PAK3: variants seen among roughly 807,000 people sequenced by gnomAD.
PAK3 encodes p21 (RAC1) activated kinase 3.
A neutral mutation model predicts 41.0 loss-of-function variants in PAK3; 4 were observed. The observed-to-expected ratio is 0.10, with a 90% CI of 0.05 to 0.22. PAK3 has a LOEUF of 0.22. Ranked by LOEUF, PAK3 falls within the 10% of genes least tolerant of loss-of-function variation. The pLI is 1.00. For missense variants in PAK3, 205 were observed against 409.9 expected (o/e 0.50, Z 4.32); for synonymous variants, 146 against 139.6 (o/e 1.05, Z -0.32).
At chrX:111,059,791 C>A in intron 1 of PAK3, among the ~76,000 whole-genome samples, 1 of 111,727 alleles carries the variant, frequency 9.0e-6, no homozygotes, top group Non-Finnish European at 1.9e-5. Flanking sequence ...ATCTTATATC[C>A]TGCAACCTTG....
intron 1 of PAK3, among the ~76,000 whole-genome samples, chrX:111,032,004 G>A (rs1437064072): frequency 8.9e-6 from 1 of 111,934 alleles, no homozygotes; most frequent in African/African-American, 3.2e-5. Context: ...ACTGTAACTT[G>A]TTAATGAAGC....
intron 1 of PAK3, among the ~76,000 whole-genome samples, chrX:110,966,177 C>T (rs1032545230): frequency 8.9e-6 from 1 of 111,781 alleles, no homozygotes; most frequent in Non-Finnish European, 1.9e-5. Context: ...CTGGAGTCTT[C>T]ATAATGGAAA....
intron 1 of PAK3, among the ~76,000 whole-genome samples, chrX:111,057,261 T>C (rs755834209): frequency 2.7e-5 from 3 of 111,833 alleles, no homozygotes; most frequent in Non-Finnish European, 5.6e-5. Flanking sequence ...CATGATGAGG[T>C]ACCACCTTAC....
intron 3 of PAK3, among the ~76,000 whole-genome samples, chrX:111,098,969 G>A (rs973123667): frequency 1.8e-5 from 2 of 110,551 alleles, no homozygotes; most frequent in Non-Finnish European, 3.8e-5. Flanking sequence ...GGCCTGGAAT[G>A]GACTCGTCTG....
At chrX:111,055,705 C>T (rs766315863) in intron 1 of PAK3, among the ~76,000 whole-genome samples, 1 of 111,789 alleles carries the variant, frequency 8.9e-6, no homozygotes, top group African/African-American at 3.3e-5. Context: ...CAACCATCAA[C>T]GCTGACCAGG....
At chrX:111,042,530 C>T (rs1338970989) in intron 1 of PAK3, among the ~76,000 whole-genome samples, 1 of 111,590 alleles carries the variant, frequency 9.0e-6, no homozygotes, top group Admixed American at 9.5e-5. Context: ...TGTTGCACAC[C>T]CACAAGGCCA....
chrX:111,208,629 A>AT (rs2094782447), intron 16 of PAK3, among the ~76,000 whole-genome samples: 1 of 112,561 alleles, frequency 8.9e-6, no homozygotes, highest in African/African-American at 3.2e-5. Context: ...AGGCTGTACC[A>AT]TATAGCCTAG....
chrX:111,098,571 C>G (rs974313050), intron 3 of PAK3: 1 of 110,872 alleles, frequency 9.0e-6, no homozygotes, highest in African/African-American at 3.3e-5. Flanking sequence ...CCTTCAGGAA[C>G]CAGTAGCTTT....
At chrX:111,136,198 G>A (rs2093787458) in intron 5 of PAK3, among the ~76,000 whole-genome samples, 1 of 111,973 alleles carries the variant, frequency 8.9e-6, no homozygotes, top group Non-Finnish European at 1.9e-5. Context: ...AGTTAGAGTG[G>A]AGTTCTGAAT....
chrX:111,020,296 A>T (rs1249988702), intron 1 of PAK3, among the ~76,000 whole-genome samples: 2 of 112,254 alleles, frequency 1.8e-5, no homozygotes, highest in African/African-American at 6.5e-5. Context: ...TAAGCCAGAC[A>T]CCAAAGGACA....
intron 1 of PAK3, among the ~76,000 whole-genome samples, chrX:110,968,716 C>T (rs2091132609): frequency 9.0e-6 from 1 of 111,335 alleles, no homozygotes; most frequent in Admixed American, 9.5e-5. Flanking sequence ...AAAATATATT[C>T]CAGATAGCAG....
At chrX:111,155,761 G>C (rs980471086) in intron 8 of PAK3, among the ~76,000 whole-genome samples, 1 of 111,672 alleles carries the variant, frequency 9.0e-6, no homozygotes, top group Non-Finnish European at 1.9e-5. Flanking sequence ...ATTTCGATCT[G>C]TGAAGATGGG....
Position 111,211,548 on chromosome X carries a change from C to T in PAK3, c.1408-4873C>T, listed in dbSNP as rs917963057. ...AAAATTAGCTGGGCATGGTGGTGGG[C>T]GCCTGTAATCCCAGCTACTCGGGAG... On this transcript the variant is annotated intron_variant, in intron 16 of 17. Transcript: ENST00000372007. 2.5e-4 allele frequency among the ~76,000 whole-genome samples: 27 copies of T among 108,085 alleles called. No homozygotes were observed. In the East Asian group the frequency reaches 4.4e-3, roughly 18 times the overall value. The allele number at this position is 108,085 out of a possible 115,157, so 93.9% of individuals were successfully genotyped here.
intron 3 of PAK3, among the ~76,000 whole-genome samples, chrX:111,100,900 G>A (rs756234247): frequency 2.7e-5 from 3 of 111,519 alleles, no homozygotes; most frequent in Admixed American, 9.5e-5. Context: ...AGCCATAGGT[G>A]TACAACAAGG....
intron 1 of PAK3, among the ~76,000 whole-genome samples, chrX:110,972,024 AT>A (rs2091217858): frequency 9.0e-6 from 1 of 110,841 alleles, no homozygotes; most frequent in South Asian, 3.8e-4. Context: ...ATTCTATTCC[AT>A]TGTTCTACGT....
chrX:111,179,016 T>G (rs1402641539), intron 11 of PAK3, among the ~76,000 whole-genome samples: 1 of 105,679 alleles, frequency 9.5e-6, no homozygotes, highest in South Asian at 4.1e-4. Context: ...TATATCTATA[T>G]ATATATATAT....
intron 11 of PAK3, among the ~76,000 whole-genome samples, chrX:111,186,000 C>T (rs1298562572): frequency 9.0e-6 from 1 of 111,252 alleles, no homozygotes; most frequent in African/African-American, 3.3e-5. Flanking sequence ...ATACAAAAAT[C>T]AATAAACGTA....
At position 111,225,779 on chromosome X, in the gene PAK3, G is replaced by A. The variant is rs2094949837; in HGVS notation, c.*5332G>A. Reference sequence around the variant, plus strand: ...CTAACATTCTATGGCATTATAGGTTGCCTTGCAAATTCAGCCTGCTATAGT... The same window carrying A: ...CTAACATTCTATGGCATTATAGGTTACCTTGCAAATTCAGCCTGCTATAGT... On this transcript the variant is annotated 3_prime_UTR_variant, in exon 18 of 18. Transcript: ENST00000372007. 1 of 112,092 alleles carries A rather than the reference G, an allele frequency of 8.9e-6. No individual in the cohort carries two copies. The highest frequency in any genetic ancestry group is 1.9e-5 in the Non-Finnish European group (1 of 53,308). The allele number at this position is 112,092 out of a possible 1,213,427, so 9.2% of individuals were successfully genotyped here.
chrX:111,010,663 G>A (rs767536853), intron 1 of PAK3, among the ~76,000 whole-genome samples: 1 of 111,326 alleles, frequency 9.0e-6, no homozygotes, highest in South Asian at 3.8e-4. Flanking sequence ...CATGTGATAT[G>A]CTGGTTCCCC....
Sources: allele counts gnomAD v4.1 joint callset (sites outside exome capture counted in the v4.1 genomes callset), GRCh38; gene constraint gnomAD v4.1.1; transcripts MANE v1.5; gene names NCBI Gene and HGNC (gene_info 2026-07-23, HGNC 2026-07-21).